The following PLS1 variants were observed in gnomAD, a reference collection of about 807,000 sequenced individuals.
PLS1 encodes the protein plastin-1.
Under a neutral mutation model 73.7 loss-of-function variants are expected in PLS1, and 32 were observed. The ratio of observed to expected loss-of-function variants is 0.43; its 90% CI spans 0.33 to 0.58. The LOEUF is 0.58. PLS1 is among the 20% of genes least tolerant of loss of function. PLS1 has a pLI of 0.04. For synonymous variants in PLS1, 217 were observed against 261.3 expected (o/e 0.83, Z 1.63); for missense variants, 633 against 740.5 (o/e 0.85, Z 1.68).
rs1553783958 is a variant in PLS1, at chr3:142,641,175, TTA to T, written c.-36-23014_-36-23013del. 6.3e-5 allele frequency among the ~76,000 whole-genome samples: 9 copies of T among 143,334 alleles called. No homozygotes were observed. The East Asian group carries it at 1.2e-3, about 19-fold the overall frequency. The allele number at this position is 143,334 out of a possible 152,430, so 94.0% of individuals were successfully genotyped here. On this transcript the variant is annotated intron_variant, in intron 1 of 15. Coordinates refer to ENST00000457734, the MANE Select transcript of PLS1 (RefSeq NM_001145319.2). ...CAGAGTGATTATATATATATATATA[TTA>T]TATATATATATAATCTGTCTATATT...
chr3:142,688,359 A>G (rs1426120940), intron 9 of PLS1, among the ~76,000 whole-genome samples: 2 of 152,202 alleles, frequency 1.3e-5, no homozygotes, highest in Non-Finnish European at 2.9e-5. Flanking sequence ...ACTCTGGTGC[A>G]CAGAATTAGG....
intron 6 of PLS1, among the ~76,000 whole-genome samples, chr3:142,681,532 C>G (rs1053738321): frequency 2.0e-5 from 3 of 152,182 alleles, no homozygotes; most frequent in South Asian, 4.1e-4. Flanking sequence ...AATGAGGGAA[C>G]CTGTTAGACA....
chr3:142,621,560 A>G lies in PLS1; in HGVS notation c.-37+25051A>G, dbSNP rs182660715. Among the ~76,000 whole-genome samples the G allele has an allele frequency of 3.0e-4, 46 of 152,372 alleles. No individual in the cohort carries two copies. The East Asian group carries it at 6.5e-3, about 22-fold the overall frequency. ...TAAATAATATTAAGTAAAACTATAT[A>G]TAGCAAATATCAATTTTGTTTGGAA... On this transcript the variant is annotated intron_variant, in intron 1 of 15. Transcript: ENST00000457734.
At chr3:142,631,740 G>T (rs2036570459) in intron 1 of PLS1, among the ~76,000 whole-genome samples, 1 of 118,004 alleles carries the variant, frequency 8.5e-6, no homozygotes, top group African/African-American at 3.2e-5. Flanking sequence ...ATGAATTAAA[G>T]ACCTAAATGT....
chr3:142,610,308 C>T (rs368379142), intron 1 of PLS1, among the ~76,000 whole-genome samples: 1 of 152,110 alleles, frequency 6.6e-6, no homozygotes, highest in East Asian at 1.9e-4. Flanking sequence ...CAGATAGCTC[C>T]CCTCTAGAAA....
rs1216752088 is a variant in PLS1, at chr3:142,711,553, C to T, written c.1682C>T (p.Ala561Val). ...LPVLDLIDAI[A>V]PNAVRQEMIR... ...GTCCTAGATTTAATAGATGCCATTG[C>T]ACCAAATGCAGTTCGTCAAGAAATG... The change falls in exon 15 of 16, where the codon GCA (alanine) becomes GTA (valine). Residue 561 changes from alanine (A) to valine (V), a missense_variant. Coordinates refer to ENST00000457734, the MANE Select transcript of PLS1 (RefSeq NM_001145319.2). 1 of 1,602,400 alleles carries T rather than the reference C, an allele frequency of 6.2e-7. No homozygotes were observed. The highest frequency in any genetic ancestry group is 8.5e-7 in the Non-Finnish European group (1 of 1,170,128).
At position 142,676,111 on chromosome 3, in the gene PLS1, A is replaced by G. The variant is rs16852550; in HGVS notation, c.365-46A>G. 8.0e-3 allele frequency: 12,523 copies of G among 1,566,386 alleles called. 832 individuals carry two copies. The African/African-American group carries it at 0.15, about 19-fold the overall frequency. Reference sequence around the variant, plus strand: ...GCTATGTATGTTTTTATAGTGCAATAAAGTTTGTGAAATGAGATTTGCCTA... The same window carrying G: ...GCTATGTATGTTTTTATAGTGCAATGAAGTTTGTGAAATGAGATTTGCCTA... On this transcript the variant is annotated intron_variant, in intron 4 of 15. Coordinates refer to ENST00000457734, the MANE Select transcript of PLS1 (RefSeq NM_001145319.2).
intron 1 of PLS1, among the ~76,000 whole-genome samples, chr3:142,612,150 T>G (rs1175304105): frequency 2.0e-5 from 3 of 152,240 alleles, no homozygotes; most frequent in Non-Finnish European, 4.4e-5. Context: ...GAAAGAGGAA[T>G]TTAGCAAATA....
chr3:142,705,842 A>G (rs1010685107), intron 14 of PLS1, among the ~76,000 whole-genome samples: 2 of 152,210 alleles, frequency 1.3e-5, no homozygotes, highest in African/African-American at 4.8e-5. Flanking sequence ...CCTGAGTCCT[A>G]GTTCAATTGA....
chr3:142,675,603 T>C (rs892279094), intron 4 of PLS1, among the ~76,000 whole-genome samples: 1 of 152,164 alleles, frequency 6.6e-6, no homozygotes, highest in Non-Finnish European at 1.5e-5. Context: ...GCCAGGATGG[T>C]CTTGCTCTCT....
chr3:142,617,780 C>G (rs993832626), intron 1 of PLS1, among the ~76,000 whole-genome samples: 1 of 152,064 alleles, frequency 6.6e-6, no homozygotes, highest in Non-Finnish European at 1.5e-5. Flanking sequence ...GAGTTTAAGA[C>G]AAGCCGATTC....
At chr3:142,608,931 C>T (rs1197900171) in intron 1 of PLS1, among the ~76,000 whole-genome samples, 1 of 152,168 alleles carries the variant, frequency 6.6e-6, no homozygotes, top group Non-Finnish European at 1.5e-5. Context: ...CCAGCAGTTA[C>T]ATTGCTCAAT....
At chr3:142,599,922 A>G (rs1033387041) in intron 1 of PLS1, among the ~76,000 whole-genome samples, 125 of 151,638 alleles carry the variant, frequency 8.2e-4, no homozygotes, top group African/African-American at 2.8e-3. Context: ...ATGCGTGGCT[A>G]ATTTTGTATT....
chr3:142,626,540 T>C (rs1003657628), intron 1 of PLS1, among the ~76,000 whole-genome samples: 2 of 152,252 alleles, frequency 1.3e-5, no homozygotes, highest in African/African-American at 4.8e-5. Context: ...ATCATATCAT[T>C]AACTAATATC....
intron 2 of PLS1, among the ~76,000 whole-genome samples, chr3:142,668,706 AT>A (rs1214041969): frequency 6.6e-6 from 1 of 151,096 alleles, no homozygotes; most frequent in Non-Finnish European, 1.5e-5. Flanking sequence ...GGTTCAAGTG[AT>A]TCTCTTACCT....
At chr3:142,698,420 C>G (rs73002081) in intron 12 of PLS1, 10,597 of 151,416 alleles carry the variant, frequency 0.07, 1,204 homozygotes, top group African/African-American at 0.25. Context: ...AATACCTATA[C>G]AGTGTTATGC....
At chr3:142,597,613 T>C (rs555410929) in intron 1 of PLS1, among the ~76,000 whole-genome samples, 2 of 152,324 alleles carry the variant, frequency 1.3e-5, no homozygotes, top group South Asian at 4.1e-4. Flanking sequence ...GGTCTAGTTT[T>C]GGCTGTAGAG....
intron 1 of PLS1, among the ~76,000 whole-genome samples, chr3:142,662,927 G>T (rs560844575): frequency 7.5e-4 from 114 of 151,952 alleles, no homozygotes; most frequent in Non-Finnish European, 1.3e-3. Flanking sequence ...GTCAGAAGGG[G>T]GCCGGGCTCA....
At chr3:142,702,954 C>T (rs899330798) in intron 12 of PLS1, among the ~76,000 whole-genome samples, 1 of 151,996 alleles carries the variant, frequency 6.6e-6, no homozygotes, top group African/African-American at 2.4e-5. Context: ...ACATACAAGG[C>T]TAAGTATAGT....
Sources: allele counts gnomAD v4.1 joint callset (sites outside exome capture counted in the v4.1 genomes callset), GRCh38; gene constraint gnomAD v4.1.1; transcripts MANE v1.5; gene names NCBI Gene and HGNC (gene_info 2026-07-23, HGNC 2026-07-21).